CLYBL: variants seen among roughly 807,000 people sequenced by gnomAD.
CLYBL encodes the protein citramalyl-CoA lyase, mitochondrial.
Under a neutral mutation model 38.9 loss-of-function variants are expected in CLYBL, and 31 were observed. That is an observed-to-expected ratio of 0.80 (90% confidence interval 0.60 to 1.08). The LOEUF (loss-of-function observed/expected upper bound fraction) is 1.08, where lower values mean the gene tolerates loss of function less well. CLYBL is among the 50% of genes least tolerant of loss of function. The pLI, the probability that CLYBL is intolerant of heterozygous loss-of-function variation, is 0.00. For missense variants in CLYBL, 434 were observed against 411.6 expected, an observed-to-expected ratio of 1.05 and a Z score of -0.47; for synonymous variants, 171 against 158.6, an observed-to-expected ratio of 1.08 and a Z score of -0.59.
chr13:99,762,920 T>C (rs1435377919), intron 1 of CLYBL, among the ~76,000 whole-genome samples: 1 of 152,216 alleles, frequency 6.6e-6, no homozygotes, highest in Admixed American at 6.5e-5. Flanking sequence ...TTTTTAATAT[T>C]ATTTATAGCT....
intron 2 of CLYBL, among the ~76,000 whole-genome samples, chr13:99,804,088 A>T (rs1430571034): frequency 2.0e-5 from 3 of 152,238 alleles, no homozygotes; most frequent in Non-Finnish European, 2.9e-5. Flanking sequence ...CAGAGGGTGG[A>T]GTGAGGACAG....
chr13:99,629,357 T>C (rs2047984936), intron 1 of CLYBL, among the ~76,000 whole-genome samples: 1 of 152,218 alleles, frequency 6.6e-6, no homozygotes, highest in African/African-American at 2.4e-5. Context: ...ATGCGTCTGT[T>C]GAAATCTCAG....
At chr13:99,685,702 C>T (rs1185728148) in intron 1 of CLYBL, among the ~76,000 whole-genome samples, 2 of 152,162 alleles carry the variant, frequency 1.3e-5, no homozygotes, top group Non-Finnish European at 2.9e-5. Flanking sequence ...TGGCTCAAGC[C>T]TGTAATCCCA....
intron 1 of CLYBL, among the ~76,000 whole-genome samples, chr13:99,729,856 C>T (rs932168044): frequency 4.7e-5 from 7 of 149,826 alleles, no homozygotes; most frequent in African/African-American, 1.7e-4. Flanking sequence ...GGGCCCTTCC[C>T]CCCGCCAGCC....
rs1446386282 is a variant in CLYBL, at chr13:99,858,858, C to T, written c.250-3C>T. 2 of 1,590,090 alleles carry T rather than the reference C, an allele frequency of 1.3e-6. No individual in the cohort carries two copies. The highest frequency in any genetic ancestry group is 1.2e-5 in the South Asian group (1 of 86,948). The stretch of plus-strand genomic sequence containing the variant: ...ACAATAAACTTTTTATTGACACTTA[C>T]AGAATGAAGCTCGACTGAGAATTGT... On this transcript the variant is annotated splice_region_variant and splice_polypyrimidine_tract_variant and intron_variant, in intron 2 of 8. Transcript: ENST00000339105.
downstream of CLYBL, among the ~76,000 whole-genome samples, chr13:99,898,166 T>C (rs1813541997): frequency 1.3e-5 from 2 of 152,186 alleles, no homozygotes; most frequent in South Asian, 2.1e-4. Context: ...CTGGATTTCT[T>C]TGGTTTACAT....
intron 2 of CLYBL, among the ~76,000 whole-genome samples, chr13:99,785,241 C>G (rs899168861): frequency 1.9e-5 from 2 of 105,136 alleles, no homozygotes; most frequent in African/African-American, 7.8e-5. Flanking sequence ...CAGGGTCTTG[C>G]TATGTCACCC....
chr13:99,718,257 G>C (rs1304937772), intron 1 of CLYBL, among the ~76,000 whole-genome samples: 1 of 152,076 alleles, frequency 6.6e-6, no homozygotes, highest in Non-Finnish European at 1.5e-5. Flanking sequence ...ATTATGAAAA[G>C]GGGCATGGGC....
In CLYBL at chr13:99,731,026, T is replaced by C. The variant is rs2048580215; in HGVS notation, c.63-41798T>C. On this transcript the variant is annotated intron_variant, in intron 1 of 8. Coordinates refer to ENST00000339105, the MANE Select transcript of CLYBL (RefSeq NM_206808.5). Reference sequence around the variant, plus strand: ...TGAGCCCCGGGGGCTGAGGTTGCTGTGAGCCGAGATCGTGCCACTGCGCTC... The same window carrying C: ...TGAGCCCCGGGGGCTGAGGTTGCTGCGAGCCGAGATCGTGCCACTGCGCTC... 2.2e-5 allele frequency among the ~76,000 whole-genome samples: 3 copies of C among 133,498 alleles called. No individual in the cohort carries two copies. The Admixed American group carries it at 2.8e-4, about 12-fold the overall frequency. The allele number at this position is 133,498 out of a possible 152,430, so 87.6% of individuals were successfully genotyped here.
At chr13:99,876,130 G>A (rs1201905643) in intron 7 of CLYBL, among the ~76,000 whole-genome samples, 5 of 128,838 alleles carry the variant, frequency 3.9e-5, no homozygotes, top group African/African-American at 1.5e-4. Flanking sequence ...AGATAAGAGT[G>A]TTTTTAATAG....
Position 99,725,860 on chromosome 13 carries a change from G to T in CLYBL, c.63-46964G>T, listed in dbSNP as rs573036771. 2.5e-4 allele frequency among the ~76,000 whole-genome samples: 38 copies of T among 152,258 alleles called. 2 individuals are homozygous for T. In the South Asian group the frequency reaches 6.2e-3, roughly 25 times the overall value. ...TTTGATGCAGGAGGGTCGGTTCTTG[G>T]GCTGTTGCTTTCTCTCCTGTTAATC... On this transcript the variant is annotated intron_variant, in intron 1 of 8. Coordinates refer to ENST00000339105, the MANE Select transcript of CLYBL (RefSeq NM_206808.5).
At chr13:99,776,695 T>C (rs1431809156) in intron 2 of CLYBL, among the ~76,000 whole-genome samples, 3 of 151,980 alleles carry the variant, frequency 2.0e-5, no homozygotes, top group Admixed American at 1.3e-4. Flanking sequence ...TTTGAAGAGG[T>C]TGGGGCCAAG....
intron 1 of CLYBL, among the ~76,000 whole-genome samples, chr13:99,657,405 A>G (rs1377082616): frequency 6.6e-6 from 1 of 152,224 alleles, no homozygotes; most frequent in Non-Finnish European, 1.5e-5. Flanking sequence ...TGTCAGGCTC[A>G]CCGCTAATGC....
In CLYBL at chr13:99,862,782, T is replaced by G. The variant is rs1246641135; in HGVS notation, c.439-209T>G. ...CTTTGGGAGAAAAAAATTGTAATGC[T>G]TAGGATTTTACTATTTAGTTTGGTG... On this transcript the variant is annotated intron_variant, in intron 3 of 8. Transcript: ENST00000339105. Among the ~76,000 whole-genome samples, 3 of 152,230 alleles carry G rather than the reference T, an allele frequency of 2.0e-5. No individual in the cohort carries two copies. In the East Asian group the frequency reaches 5.8e-4, roughly 29 times the overall value.
In CLYBL at chr13:99,768,192, CT is replaced by C. The variant is rs58499426; in HGVS notation, c.63-4612del. 7.0e-4 allele frequency among the ~76,000 whole-genome samples: 72 copies of C among 102,704 alleles called. No homozygotes were observed. In the East Asian group the frequency reaches 0.012, roughly 17 times the overall value. 67.4% of individuals were successfully genotyped at this position (102,704 alleles called of 152,430 possible). On this transcript the variant is annotated intron_variant, in intron 1 of 8. Coordinates refer to ENST00000339105, the MANE Select transcript of CLYBL (RefSeq NM_206808.5). ...AGGTCTCCTCAAGTCTTTTCTTTTTCTTTTTTTTTTTTTTTTTTTTGAGCAG... is the reference window on the plus strand; with the variant it reads ...AGGTCTCCTCAAGTCTTTTCTTTTTCTTTTTTTTTTTTTTTTTTTGAGCAG...
At chr13:99,718,388 A>C (rs934721578) in intron 1 of CLYBL, among the ~76,000 whole-genome samples, 14 of 152,052 alleles carry the variant, frequency 9.2e-5, no homozygotes, top group Admixed American at 2.0e-4. Flanking sequence ...AAAAAAAAAA[A>C]ACCTAGAGAG....
chr13:99,825,723 A>G (rs2050682074), intron 2 of CLYBL, among the ~76,000 whole-genome samples: 2 of 152,184 alleles, frequency 1.3e-5, no homozygotes, highest in African/African-American at 4.8e-5. Context: ...ATATCTGAGA[A>G]TGTGGTGAGG....
intron 2 of CLYBL, among the ~76,000 whole-genome samples, chr13:99,810,070 G>A (rs956141362): frequency 2.6e-5 from 4 of 152,226 alleles, no homozygotes; most frequent in Admixed American, 1.3e-4. Flanking sequence ...CATTGTTGGT[G>A]AAGTCATACT....
At chr13:99,680,000 T>G (rs73566228) in intron 1 of CLYBL, among the ~76,000 whole-genome samples, 10,250 of 152,246 alleles carry the variant, frequency 0.067, 1,161 homozygotes, top group African/African-American at 0.24. Flanking sequence ...ATAGTTAATA[T>G]AAACATTTAG....
Sources: allele counts gnomAD v4.1 joint callset (sites outside exome capture counted in the v4.1 genomes callset), GRCh38; gene constraint gnomAD v4.1.1; transcripts MANE v1.5; gene names NCBI Gene and HGNC (gene_info 2026-07-23, HGNC 2026-07-21).